Variants in STMN2 observed in about 807,000 individuals in gnomAD.
STMN2 encodes stathmin 2.
Under a neutral mutation model 24.1 loss-of-function variants are expected in STMN2, and 2 were observed. The ratio of observed to expected loss-of-function variants is 0.08; its 90% CI spans 0.03 to 0.26. The LOEUF is 0.26. STMN2 is among the 10% of genes least tolerant of loss of function. STMN2 has a pLI of 1.00. For missense variants in STMN2, 114 were observed against 213.6 expected, an observed-to-expected ratio of 0.53 and a Z score of 2.91; for synonymous variants, 83 against 77.5, an observed-to-expected ratio of 1.07 and a Z score of -0.37.
chr8:79,614,639 A>C (rs1809341166), intron 1 of STMN2, among the ~76,000 whole-genome samples: 1 of 152,238 alleles, frequency 6.6e-6, no homozygotes, highest in South Asian at 2.1e-4. Context: ...GTATATTTTA[A>C]AATGATAATT....
intron 1 of STMN2, among the ~76,000 whole-genome samples, chr8:79,622,244 A>G (rs1462973954): frequency 6.6e-6 from 1 of 152,186 alleles, no homozygotes; most frequent in Non-Finnish European, 1.5e-5. Flanking sequence ...ACAATACCTA[A>G]ATCACATGGT....
intron 1 of STMN2, among the ~76,000 whole-genome samples, chr8:79,612,805 A>G (rs1809272346): frequency 6.6e-6 from 1 of 151,604 alleles, no homozygotes; most frequent in Non-Finnish European, 1.5e-5. Context: ...AGCCGGGGAG[A>G]CCTCAGGCTC....
At chr8:79,663,663 T>A (rs955958191) in intron 4 of STMN2, 3 of 1,518,500 alleles carry the variant, frequency 2.0e-6, no homozygotes, top group African/African-American at 2.8e-5. Context: ...AGAAGCAATG[T>A]AAGCAACATT....
chr8:79,612,121 C>T (rs1421417887), intron 1 of STMN2, among the ~76,000 whole-genome samples: 1 of 123,556 alleles, frequency 8.1e-6, no homozygotes, highest in Non-Finnish European at 1.6e-5. Flanking sequence ...GGGTGGGGAG[C>T]GCAGCGTGAC....
Position 79,645,982 on chromosome 8 carries a change from G to A in STMN2, c.288+4432G>A, listed in dbSNP as rs530000138. Among the ~76,000 whole-genome samples, 7 of 152,206 alleles carry A rather than the reference G, an allele frequency of 4.6e-5. No homozygotes were observed. The South Asian group carries it at 1.2e-3, about 27-fold the overall frequency. ...TTTTGTTTAATAGTGCTTGGCAATA[G>A]TTATTACTGTAAACATTTTTTTTCT... On this transcript the variant is annotated intron_variant, in intron 3 of 4. Transcript: ENST00000220876.
chr8:79,613,444 T>C (rs1355141731), intron 1 of STMN2: 1 of 985,464 alleles, frequency 1.0e-6, no homozygotes, highest in Middle Eastern at 5.2e-4. Flanking sequence ...CGCAGTGTCC[T>C]GAGCTACCCC....
chr8:79,656,891 TGA>T (rs1806385243), intron 4 of STMN2, among the ~76,000 whole-genome samples: 1 of 152,038 alleles, frequency 6.6e-6, no homozygotes, highest in Non-Finnish European at 1.5e-5. Flanking sequence ...TTTGTTTTTT[TGA>T]GATAGAGTCT....
Position 79,641,553 on chromosome 8 carries a change from A to G in STMN2, c.288+3A>G. The G allele has an allele frequency of 6.2e-7, 1 of 1,609,890 alleles. No individual in the cohort carries two copies. ...AGGCTGCAGAGGAAAGAAGAAAGGT[A>G]ACTTTTTCCATAGGTTTTCCTTCTC... On this transcript the variant is annotated splice_donor_region_variant and intron_variant, in intron 3 of 4. Coordinates refer to ENST00000220876, the MANE Select transcript of STMN2 (RefSeq NM_007029.4).
rs774772512 is a variant in STMN2 at position 79,636,948 on chromosome 8, G to T, written c.115+51G>T. 4 of 1,542,070 alleles carry T rather than the reference G, an allele frequency of 2.6e-6. No homozygotes were observed. The South Asian group carries it at 4.6e-5, about 18-fold the overall frequency. ...CCTGCTAGCTAGATCATTTGGAAAG[G>T]TTGACATATATTTGTTTCTTACAGC... On this transcript the variant is annotated intron_variant, in intron 2 of 4. Coordinates refer to ENST00000220876, the MANE Select transcript of STMN2 (RefSeq NM_007029.4).
At chr8:79,646,847 AT>A (rs1211347739) in intron 3 of STMN2, among the ~76,000 whole-genome samples, 26 of 152,318 alleles carry the variant, frequency 1.7e-4, no homozygotes, top group African/African-American at 6.3e-4. Flanking sequence ...ACAGGAAAAC[AT>A]TCTAGACTAA....
intron 2 of STMN2, among the ~76,000 whole-genome samples, 194 bp from the exon 3 acceptor site, chr8:79,641,184 T>A (rs1268271417): frequency 6.6e-6 from 1 of 152,228 alleles, no homozygotes; most frequent in Non-Finnish European, 1.5e-5. Flanking sequence ...TCTGTTAAAA[T>A]ATATCCATAG....
At chr8:79,660,520 A>G (rs1806479961) in intron 4 of STMN2, among the ~76,000 whole-genome samples, 1 of 152,200 alleles carries the variant, frequency 6.6e-6, no homozygotes, top group African/African-American at 2.4e-5. Context: ...AAAATGTCAA[A>G]TGAAAATATT....
At position 79,611,130 on chromosome 8, in the gene STMN2, G is replaced by T; in HGVS notation, c.-66G>T. 6.2e-7 allele frequency: 1 copy of T among 1,608,354 alleles called. No individual in the cohort carries two copies. Among genetic ancestry groups the T allele is most frequent in the South Asian group, 1.1e-5 (1 of 90,668 alleles). On this transcript the variant is annotated 5_prime_UTR_variant, in exon 1 of 5. Transcript: ENST00000220876. Reference sequence around the variant, plus strand: ...AGTGCCTTATTCAGTCTTCTCTCTCGCTCTCTCCGCTGCTGTAGCCGGACC... The same window carrying T: ...AGTGCCTTATTCAGTCTTCTCTCTCTCTCTCTCCGCTGCTGTAGCCGGACC...
intron 3 of STMN2, among the ~76,000 whole-genome samples, chr8:79,642,110 C>G (rs893126722): frequency 2.6e-5 from 4 of 152,192 alleles, no homozygotes; most frequent in African/African-American, 9.6e-5. Context: ...ACTGCCTGCC[C>G]TGGAAGTTGG....
intron 1 of STMN2, among the ~76,000 whole-genome samples, chr8:79,626,798 C>T (rs1463614379): frequency 1.3e-5 from 2 of 152,130 alleles, no homozygotes; most frequent in Non-Finnish European, 2.9e-5. Flanking sequence ...CTTCCCTTGC[C>T]CTCAGGAAAC....
chr8:79,642,873 C>CAT (rs71304766), intron 3 of STMN2, among the ~76,000 whole-genome samples: 22,089 of 147,204 alleles, frequency 0.15, 1,995 homozygotes, highest in East Asian at 0.23. Flanking sequence ...ATGAGCATGT[C>CAT]ATATATATAT....
chr8:79,625,978 C>A (rs7387083), intron 1 of STMN2, among the ~76,000 whole-genome samples: 71 of 151,354 alleles, frequency 4.7e-4, no homozygotes, highest in South Asian at 3.1e-3. Flanking sequence ...ATAAATAAAT[C>A]AATCAATAAA....
intron 2 of STMN2, among the ~76,000 whole-genome samples, chr8:79,637,328 T>G (rs1722548527): frequency 6.6e-6 from 1 of 152,222 alleles, no homozygotes; most frequent in Non-Finnish European, 1.5e-5. Flanking sequence ...CTATACTTTG[T>G]ATATACATGT....
At position 79,665,037 on chromosome 8, in the gene STMN2, G is replaced by T; in HGVS notation, c.*163G>T. The T allele has an allele frequency of 1.9e-6, 1 of 515,284 alleles. No individual in the cohort carries two copies. 31.9% of individuals were successfully genotyped at this position (515,284 alleles called of 1,614,324 possible). On this transcript the variant is annotated 3_prime_UTR_variant, in exon 5 of 5. Transcript: ENST00000220876. ...TCAAAAATTAAAAAAAATCAATGCGGTCTCTTTGCAGAATGTTTTGCTTGA... is the reference window on the plus strand; with the variant it reads ...TCAAAAATTAAAAAAAATCAATGCGTTCTCTTTGCAGAATGTTTTGCTTGA...
Sources: gnomAD v4.1 joint callset for allele counts (sites outside exome capture counted in the v4.1 genomes callset) on GRCh38, gnomAD v4.1.1 for gene constraint, MANE v1.5 for transcripts, NCBI Gene and HGNC (gene_info 2026-07-23, HGNC 2026-07-21) for gene names.